The following LEF1 variants were observed in gnomAD, a reference collection of about 807,000 sequenced individuals.
The protein encoded by LEF1 is lymphoid enhancer-binding factor 1.
In LEF1, 14 loss-of-function variants were observed where a neutral mutation model predicts 51.2. That is an observed-to-expected ratio of 0.27 (90% CI 0.18 to 0.43). The LOEUF (loss-of-function observed/expected upper bound fraction) is 0.43. LEF1 is among the 20% of genes least tolerant of loss of function. The pLI is 1.00. For missense variants in LEF1, 386 were observed against 512.0 expected, an observed-to-expected ratio of 0.75 and a Z score of 2.37; for synonymous variants, 185 against 183.2, an observed-to-expected ratio of 1.01 and a Z score of -0.08.
intron 3 of LEF1, among the ~76,000 whole-genome samples, chr4:108,129,341 C>T (rs1742727564): frequency 6.6e-6 from 1 of 152,176 alleles, no homozygotes; most frequent in Non-Finnish European, 1.5e-5. Flanking sequence ...AATTAGAATG[C>T]TTTCTTTACC....
At chr4:108,076,071 T>C (rs2126282400) in intron 8 of LEF1, among the ~76,000 whole-genome samples, 1 of 152,264 alleles carries the variant, frequency 6.6e-6, no homozygotes, top group African/African-American at 2.4e-5. Flanking sequence ...ACACACATGC[T>C]ACTCCATCTG....
At chr4:108,120,040 T>C (rs1304316003) in intron 3 of LEF1, among the ~76,000 whole-genome samples, 4 of 151,560 alleles carry the variant, frequency 2.6e-5, no homozygotes, top group Non-Finnish European at 5.9e-5. Context: ...TGTATGTATG[T>C]ATATATTTAA....
intron 8 of LEF1, 31 bp from the exon 9 acceptor site, chr4:108,070,801 A>G (rs1330387318): frequency 1.4e-6 from 2 of 1,426,918 alleles, no homozygotes; most frequent in Non-Finnish European, 2.0e-6. Context: ...GAAAAAAACA[A>G]AAGTAAGCAA....
At chr4:108,159,695 G>C (rs1274342842) in intron 3 of LEF1, among the ~76,000 whole-genome samples, 2 of 152,150 alleles carry the variant, frequency 1.3e-5, no homozygotes, top group Non-Finnish European at 2.9e-5. Context: ...CAAATATGCA[G>C]GGTAGGTAAG....
intron 3 of LEF1, among the ~76,000 whole-genome samples, chr4:108,148,016 A>G (rs910479982): frequency 2.0e-5 from 3 of 152,328 alleles, no homozygotes; most frequent in Non-Finnish European, 2.9e-5. Flanking sequence ...ACGATTTAAA[A>G]TGTGGTTAAA....
At chr4:108,136,851 A>G (rs1743296388) in intron 3 of LEF1, among the ~76,000 whole-genome samples, 3 of 152,322 alleles carry the variant, frequency 2.0e-5, no homozygotes, top group African/African-American at 7.2e-5. Flanking sequence ...ATTTTTATGA[A>G]ATTATATAAG....
intron 3 of LEF1, among the ~76,000 whole-genome samples, chr4:108,126,018 G>A (rs974447664): frequency 3.9e-5 from 6 of 152,092 alleles, no homozygotes; most frequent in Non-Finnish European, 8.8e-5. Flanking sequence ...AACTTTACTG[G>A]AATAGGGAAT....
chr4:108,125,316 G>T (rs1006203897), intron 3 of LEF1, among the ~76,000 whole-genome samples: 1 of 151,910 alleles, frequency 6.6e-6, no homozygotes, highest in East Asian at 1.9e-4. Context: ...GGCACCCACC[G>T]CCACGCCTGG....
chr4:108,164,723 C>T (rs747272302), intron 2 of LEF1, among the ~76,000 whole-genome samples: 1 of 152,130 alleles, frequency 6.6e-6, no homozygotes, highest in Non-Finnish European at 1.5e-5. Flanking sequence ...CAAAACTATT[C>T]TGGTTGGAAA....
At position 108,064,219 on chromosome 4, in the gene LEF1, G is replaced by A. The variant is rs111461484; in HGVS notation, c.1165+117C>T. On this transcript the variant is annotated intron_variant, in intron 10 of 11. Transcript: ENST00000265165. ...AAGAATTTCAGGAAGAAAAAGCAGAGTTAAAGCATCATAAGTTACAGTCAC... is the reference window on the plus strand; with the variant it reads ...AAGAATTTCAGGAAGAAAAAGCAGAATTAAAGCATCATAAGTTACAGTCAC... 9.8e-4 allele frequency: 642 copies of A among 653,096 alleles called. 3 individuals are homozygous for A. The African/African-American group carries it at 0.011, about 11-fold the overall frequency. The allele number at this position is 653,096 out of a possible 1,614,324, so 40.5% of individuals were successfully genotyped here.
rs538743042 is a variant in LEF1, at chr4:108,048,760, G to A, written c.*7-9C>T. The A allele has an allele frequency of 1.3e-6, 2 of 1,592,680 alleles. No homozygotes were observed. Among genetic ancestry groups the A allele is most frequent in the East Asian group, 4.5e-5 (2 of 44,198 alleles). ...TGAGCTTCGTTTTCCACCTCAAGAA[G>A]GAACAAATGAAATGCTATTAATATG... is the stretch of plus-strand genomic sequence containing the variant. On this transcript the variant is annotated splice_polypyrimidine_tract_variant and intron_variant, in intron 11 of 11. Coordinates refer to ENST00000265165, the MANE Select transcript of LEF1 (RefSeq NM_016269.5).
intron 3 of LEF1, among the ~76,000 whole-genome samples, chr4:108,144,573 G>A (rs1743875313): frequency 6.6e-6 from 1 of 152,118 alleles, no homozygotes; most frequent in Non-Finnish European, 1.5e-5. Flanking sequence ...TTCATCACTT[G>A]CACACACAGT....
chr4:108,062,937 TGTCAGGTTCCTTGGGCTAGTG>T (rs1737795275), intron 11 of LEF1, among the ~76,000 whole-genome samples: 1 of 152,140 alleles, frequency 6.6e-6, no homozygotes, highest in South Asian at 2.1e-4. Flanking sequence ...TAATTTACAA[TGTCAGGTTCCTTGGGCTAGTG>T]GTCATGTGGA....
chr4:108,067,989 CG>C (rs1171259444), intron 9 of LEF1, among the ~76,000 whole-genome samples: 1 of 151,446 alleles, frequency 6.6e-6, no homozygotes, highest in Admixed American at 6.6e-5. Flanking sequence ...GGCACCGGGC[CG>C]GGCGTGGTGG....
In LEF1 at chr4:108,147,775, C is replaced by T. The variant is rs942732076; in HGVS notation, c.414+15793G>A. On this transcript the variant is annotated intron_variant, in intron 3 of 11. Coordinates refer to ENST00000265165, the MANE Select transcript of LEF1 (RefSeq NM_016269.5). ...TCATTTCCTACTCTTTCCAACTTAC[C>T]GTTAGGATGCCAGAAATTTTTTTAA... Among the ~76,000 whole-genome samples, 7 of 152,028 alleles carry T rather than the reference C, an allele frequency of 4.6e-5. No homozygotes were observed. In the East Asian group the frequency reaches 1.2e-3, roughly 25 times the overall value.
intron 3 of LEF1, among the ~76,000 whole-genome samples, chr4:108,124,374 A>ATT (rs111874516): frequency 8.9e-5 from 13 of 145,638 alleles, no homozygotes; most frequent in Non-Finnish European, 1.1e-4. Flanking sequence ...ATACATGAAC[A>ATT]TTTTTTTTTT....
chr4:108,151,257 C>G (rs1744343289), intron 3 of LEF1, among the ~76,000 whole-genome samples: 1 of 152,220 alleles, frequency 6.6e-6, no homozygotes, highest in Non-Finnish European at 1.5e-5. Context: ...CCTTTGAACT[C>G]TTGTGTTATC....
intron 3 of LEF1, among the ~76,000 whole-genome samples, chr4:108,093,802 G>A (rs903601293): frequency 6.6e-6 from 1 of 152,130 alleles, no homozygotes; most frequent in African/African-American, 2.4e-5. Context: ...TATCAAGGAT[G>A]GCTGTTTAGG....
At chr4:108,093,288 G>A (rs892325343) in intron 3 of LEF1, among the ~76,000 whole-genome samples, 6 of 152,096 alleles carry the variant, frequency 3.9e-5, no homozygotes, top group African/African-American at 9.7e-5. Context: ...AGAAAAGTTC[G>A]ATCCTTTTGG....
Sources: allele counts gnomAD v4.1 joint callset (sites outside exome capture counted in the v4.1 genomes callset), GRCh38; gene constraint gnomAD v4.1.1; transcripts MANE v1.5; gene names NCBI Gene and HGNC (gene_info 2026-07-23, HGNC 2026-07-21).